Variants in TMEM131 observed in about 807,000 individuals in gnomAD.
The protein encoded by TMEM131 is 2610524E03Rik.
Under a neutral mutation model 211.6 loss-of-function variants are expected in TMEM131, and 66 were observed. The ratio of observed to expected loss-of-function variants is 0.31; its 90% CI spans 0.26 to 0.38. The LOEUF is 0.38. Among genes scored for constraint, TMEM131 ranks in the 10% least tolerant of loss-of-function variants. TMEM131 has a pLI of 1.00. For missense variants in TMEM131, 2,036 were observed against 2,299.3 expected, an observed-to-expected ratio of 0.89 and a Z score of 2.34; for synonymous variants, 844 against 841.3, an observed-to-expected ratio of 1.00 and a Z score of -0.06.
chr2:97,859,319 T>C lies in TMEM131; in HGVS notation c.468A>G (p.Ser156=). 2 of 1,594,296 alleles carry C rather than the reference T, an allele frequency of 1.3e-6. No homozygotes were observed. The highest frequency in any genetic ancestry group is 1.8e-5 in the Admixed American group (1 of 54,738). Residue 156 remains serine, a synonymous_variant, in exon 5 of 41, where the codon TCA becomes TCG. Transcript: ENST00000186436. ...ISATTSHFHA[S]FFQNRKILPG... ...AGAAACTTACCCTATTTTGAAAAAA[T>C]GATGCATGAAAATGTGATGTTGTAG...
rs747840892 is a variant in TMEM131 at position 97,793,572 on chromosome 2, T to C, written c.3387-19A>G. 6.3e-7 allele frequency: 1 copy of C among 1,574,880 alleles called. No homozygotes were observed. Among genetic ancestry groups the C allele is most frequent in the South Asian group, 1.2e-5 (1 of 84,850 alleles). ...CAGTGCACTGCAGGGGTAAAAAAAA[T>C]TGGAAAATCAGGATTCATTTGTTAG... On this transcript the variant is annotated intron_variant, in intron 29 of 40. Transcript: ENST00000186436.
At chr2:97,987,213 A>G (rs1238530958) in intron 1 of TMEM131, among the ~76,000 whole-genome samples, 1 of 152,250 alleles carries the variant, frequency 6.6e-6, no homozygotes, top group Non-Finnish European at 1.5e-5. Flanking sequence ...TAACTGATTT[A>G]AAAAATAGTC....
chr2:97,830,691 T>G (rs976752654), intron 11 of TMEM131, among the ~76,000 whole-genome samples: 1 of 152,334 alleles, frequency 6.6e-6, no homozygotes, highest in East Asian at 1.9e-4. Context: ...TACTCCATCA[T>G]TTATACAGCA....
At chr2:97,983,808 T>C (rs979502540) in intron 1 of TMEM131, among the ~76,000 whole-genome samples, 1 of 152,224 alleles carries the variant, frequency 6.6e-6, no homozygotes, top group Admixed American at 6.5e-5. Flanking sequence ...TGGTCTCCAG[T>C]AGTAACTGCA....
chr2:97,792,653 GGTGCTGGCTGCC>G lies in TMEM131; in HGVS notation c.3865_3876del (p.Gly1289_His1292del). On this transcript the variant is annotated inframe_deletion, in exon 31 of 41. Coordinates refer to ENST00000186436, the MANE Select transcript of TMEM131 (RefSeq NM_015348.2). ...TGCTGCTCCAGCGGGCTGTGGGCAT[GGTGCTGGCTGCC>G]GTGCTGGCTCTGCTTTGCCCCTTTG... 3 of 1,613,964 alleles carry G rather than the reference GGTGCTGGCTGCC, an allele frequency of 1.9e-6. No homozygotes were observed. The highest frequency in any genetic ancestry group is 2.5e-6 in the Non-Finnish European group (3 of 1,179,872).
intron 4 of TMEM131, among the ~76,000 whole-genome samples, chr2:97,882,597 G>A (rs867866613): frequency 6.6e-6 from 1 of 152,192 alleles, no homozygotes; most frequent in Non-Finnish European, 1.5e-5. Context: ...ACTTCAGTCT[G>A]TGCCCTTGGG....
rs146215923 is a variant in TMEM131, at chr2:97,864,781, T to C, written c.360-5354A>G. On this transcript the variant is annotated intron_variant, in intron 4 of 40. Transcript: ENST00000186436. ...GTGAGTGTCAATGGGCAGCCTGAGCTGACAACGAGAGGCTAGGCTATGAGA... is the reference window on the plus strand; with the variant it reads ...GTGAGTGTCAATGGGCAGCCTGAGCCGACAACGAGAGGCTAGGCTATGAGA... 1.1e-4 allele frequency among the ~76,000 whole-genome samples: 17 copies of C among 152,362 alleles called. No homozygotes were observed. The East Asian group carries it at 2.1e-3, about 19-fold the overall frequency.
chr2:97,942,540 A>G (rs545821201), intron 1 of TMEM131, among the ~76,000 whole-genome samples: 80 of 152,280 alleles, frequency 5.3e-4, no homozygotes, highest in African/African-American at 1.9e-3. Context: ...ATGCTACAAA[A>G]AGAAATGAAC....
chr2:97,850,106 A>AAAAACAAAAC (rs796997490), intron 5 of TMEM131, among the ~76,000 whole-genome samples: 1 of 152,102 alleles, frequency 6.6e-6, no homozygotes, highest in African/African-American at 2.4e-5. Context: ...GCAGTATGAA[A>AAAAACAAAAC]AAAACAAAAC....
rs75729653 is a variant in TMEM131 at position 97,962,591 on chromosome 2, A to G, written c.187+32885T>C. 1.7e-3 allele frequency among the ~76,000 whole-genome samples: 265 copies of G among 152,276 alleles called. 9 individuals are homozygous for G. In the East Asian group the frequency reaches 0.043, roughly 25 times the overall value. Reference sequence around the variant, plus strand: ...TGGGGAAAGACATACTGTAAAATCAACTGGAACTCTCACATCCTGCTGGTA... The same window carrying G: ...TGGGGAAAGACATACTGTAAAATCAGCTGGAACTCTCACATCCTGCTGGTA... On this transcript the variant is annotated intron_variant, in intron 1 of 40. Coordinates refer to ENST00000186436, the MANE Select transcript of TMEM131 (RefSeq NM_015348.2).
chr2:97,955,214 A>C (rs1325852725), intron 1 of TMEM131, among the ~76,000 whole-genome samples: 1 of 152,232 alleles, frequency 6.6e-6, no homozygotes, highest in African/African-American at 2.4e-5. Context: ...ACTAATAAAT[A>C]ACAAAATCAT....
chr2:97,770,396 A>G (rs866321148), intron 33 of TMEM131, among the ~76,000 whole-genome samples: 17 of 152,262 alleles, frequency 1.1e-4, no homozygotes, highest in South Asian at 2.1e-4. Context: ...CTCCAGTTAC[A>G]AAAGACAGTT....
chr2:97,796,291 C>A lies in TMEM131; in HGVS notation c.3127G>T (p.Gly1043Ter). 1 of 1,571,570 alleles carries A rather than the reference C, an allele frequency of 6.4e-7. No individual in the cohort carries two copies. Among genetic ancestry groups the A allele is most frequent in the East Asian group, 2.3e-5 (1 of 43,478 alleles). The change falls in exon 28 of 41, where the codon GGA (glycine) becomes TGA (stop). Residue 1043 changes from glycine (G) to a stop codon, truncating the protein, a stop_gained. Coordinates refer to ENST00000186436, the MANE Select transcript of TMEM131 (RefSeq NM_015348.2). LOFTEE classifies it high-confidence loss of function. ...TIEISGYSCE[G>*]YGFKVVNCQE... ...CAATTAACAACTTTAAAGCCATATCCTTCACATGAGTATCCACTGATTTCA... is the reference window on the plus strand; with the variant it reads ...CAATTAACAACTTTAAAGCCATATCATTCACATGAGTATCCACTGATTTCA...
chr2:97,967,653 A>G (rs1279241087), intron 1 of TMEM131, among the ~76,000 whole-genome samples: 1 of 152,146 alleles, frequency 6.6e-6, no homozygotes, highest in Non-Finnish European at 1.5e-5. Flanking sequence ...TAGTGGGGGG[A>G]GAGAAGATGA....
chr2:97,766,432 T>A (rs780050577), intron 34 of TMEM131, 46 bp downstream of exon 34: 2 of 1,613,274 alleles, frequency 1.2e-6, no homozygotes, highest in Non-Finnish European at 8.5e-7. Context: ...CGGTGCACTA[T>A]GAAAAGATCC....
intron 1 of TMEM131, among the ~76,000 whole-genome samples, chr2:97,965,346 A>G (rs186888480): frequency 6.3e-4 from 96 of 152,300 alleles, no homozygotes; most frequent in African/African-American, 2.3e-3. Context: ...TTGTAAACCA[A>G]TAAATTGGGT....
rs559602756 is a variant in TMEM131, at chr2:97,757,263, C to T, written c.5488G>A (p.Gly1830Ser). The change falls in exon 41 of 41, where the codon GGC becomes AGC. Residue 1830 changes from glycine (G) to serine (S), a missense_variant. Transcript: ENST00000186436. ...GGGGAGTTTTCTGTGCCCATGAGGC[C>T]GATGCTTGCCAGCGTGTTTGCTGGA... ...TTPANTLASI[G>S]LMGTENSPAP... is the part of the protein sequence containing the mutation. 2.1e-5 allele frequency: 34 copies of T among 1,613,816 alleles called. No individual in the cohort carries two copies. The highest frequency in any genetic ancestry group is 2.7e-5 in the African/African-American group (2 of 74,980).
Position 97,793,526 on chromosome 2 carries a change from T to G in TMEM131, c.3414A>C (p.Thr1138=), listed in dbSNP as rs748832100. ...ATATTCCTTGAGCTTCCAAATAGGCTGTTCCAATGACCAAAAGAAACAGTG... is the reference window on the plus strand; with the variant it reads ...ATATTCCTTGAGCTTCCAAATAGGCGGTTCCAATGACCAAAAGAAACAGTG... ...MSALFLLVIG[T]AYLEAQGIWE... The change falls in exon 30 of 41, where the codon ACA becomes ACC. Residue 1138 remains threonine, a synonymous_variant. Transcript: ENST00000186436. 3.1e-6 allele frequency: 5 copies of G among 1,613,554 alleles called. 1 individual carries two copies. In the Admixed American group the frequency reaches 5.0e-5, roughly 16 times the overall value.
intron 3 of TMEM131, among the ~76,000 whole-genome samples, chr2:97,902,827 G>T (rs1675912099): frequency 1.3e-5 from 2 of 152,090 alleles, no homozygotes; most frequent in African/African-American, 4.8e-5. Flanking sequence ...AGGAAAACAT[G>T]AAAAGAGAGA....
Sources: allele counts gnomAD v4.1 joint callset (sites outside exome capture counted in the v4.1 genomes callset), GRCh38; gene constraint gnomAD v4.1.1; transcripts MANE v1.5; gene names NCBI Gene and HGNC (gene_info 2026-07-23, HGNC 2026-07-21).